Variants in PROSER2 observed in about 807,000 individuals in gnomAD.
The protein encoded by PROSER2 is proline and serine-rich protein 2.
A neutral mutation model predicts 14.6 loss-of-function variants in PROSER2; 18 were observed. That is an observed-to-expected ratio of 1.23 (90% CI 0.85 to 1.83). The LOEUF is 1.83. Among genes scored for constraint, PROSER2 ranks in the 40% most tolerant of loss-of-function variants. The pLI is 0.00. For synonymous variants in PROSER2, 367 were observed against 286.4 expected (o/e 1.28, Z -2.84); for missense variants, 823 against 629.8 (o/e 1.31, Z -3.28).
Position 11,826,875 on chromosome 10 carries a change from C to T in PROSER2, c.-82+3405C>T, listed in dbSNP as rs963702741. On this transcript the variant is annotated intron_variant, in intron 1 of 3. Transcript: ENST00000277570. ...GATTACAGGCATGAGCCACTGCACCCGGCCTTTTTTTTTTTTTTTTTTCCT... is the reference window on the plus strand; with the variant it reads ...GATTACAGGCATGAGCCACTGCACCTGGCCTTTTTTTTTTTTTTTTTTCCT... 3.6e-4 allele frequency among the ~76,000 whole-genome samples: 50 copies of T among 138,710 alleles called. 2 individuals carry two copies. Among genetic ancestry groups the T allele is most frequent in the Non-Finnish European group, 4.6e-5 (3 of 64,698 alleles). 91.0% of individuals were successfully genotyped at this position (138,710 alleles called of 152,430 possible).
chr10:11,860,614 CA>C (rs893935813), intron 2 of PROSER2, among the ~76,000 whole-genome samples: 11 of 136,722 alleles, frequency 8.0e-5, no homozygotes, highest in South Asian at 2.4e-4. Context: ...GACTCCATCT[CA>C]AAAAAAAAAG....
chr10:11,855,429 G>A (rs1338296569), intron 2 of PROSER2, among the ~76,000 whole-genome samples: 8 of 147,296 alleles, frequency 5.4e-5, no homozygotes, highest in Admixed American at 1.4e-4. Context: ...AGCCGAGATC[G>A]CGCCACTGCA....
chr10:11,868,314 C>T (rs1300641745), intron 3 of PROSER2, among the ~76,000 whole-genome samples: 1 of 152,230 alleles, frequency 6.6e-6, no homozygotes, highest in African/African-American at 2.4e-5. Context: ...CTCTCTCTCC[C>T]ACCCAGGCTG....
At chr10:11,853,738 G>C (rs561329589) in intron 2 of PROSER2, among the ~76,000 whole-genome samples, 365 of 152,210 alleles carry the variant, frequency 2.4e-3, no homozygotes, top group Non-Finnish European at 4.2e-3. Flanking sequence ...TCGTTTCTCC[G>C]TAGACGTTTA....
chr10:11,863,358 C>T (rs1834280581), intron 2 of PROSER2, among the ~76,000 whole-genome samples: 1 of 152,140 alleles, frequency 6.6e-6, no homozygotes, highest in South Asian at 2.1e-4. Context: ...TGGATCAGCT[C>T]TCAATCACTT....
chr10:11,855,256 G>A (rs941696667), intron 2 of PROSER2, among the ~76,000 whole-genome samples: 15 of 151,070 alleles, frequency 9.9e-5, no homozygotes, highest in East Asian at 5.9e-4. Context: ...GGCGGATCAC[G>A]AGGTCAGGAG....
chr10:11,837,055 C>T lies in PROSER2; in HGVS notation c.-82+13585C>T, dbSNP rs994706877. Among the ~76,000 whole-genome samples, 2 of 152,154 alleles carry T rather than the reference C, an allele frequency of 1.3e-5. No homozygotes were observed. The highest frequency in any genetic ancestry group is 2.4e-5 in the African/African-American group (1 of 41,424). On this transcript the variant is annotated intron_variant, in intron 1 of 3. Coordinates refer to ENST00000277570, the MANE Select transcript of PROSER2 (RefSeq NM_153256.4). The surrounding 1 kb of genome is among the most constrained non-coding windows in gnomAD (Gnocchi z 4.6). ...GTAGCCAACTCAGTTCTCAGATCAG[C>T]TGTCTATGTGGCCGTGCTTATGTTC...
In PROSER2 at chr10:11,837,755, C is replaced by T. The variant is rs183940080; in HGVS notation, c.-81-14242C>T. ...TTCTTTCCCTCACATTTCCTCGGTGCAAAACCTAATAGTAGAATGTGAGAA... is the reference window on the plus strand; with the variant it reads ...TTCTTTCCCTCACATTTCCTCGGTGTAAAACCTAATAGTAGAATGTGAGAA... On this transcript the variant is annotated intron_variant, in intron 1 of 3. Coordinates refer to ENST00000277570, the MANE Select transcript of PROSER2 (RefSeq NM_153256.4). This position sits in a 1 kb window ranked among gnomAD's most constrained non-coding sequence, Gnocchi z 4.6. 2.0e-5 allele frequency among the ~76,000 whole-genome samples: 3 copies of T among 152,288 alleles called. No individual in the cohort carries two copies. The East Asian group carries it at 5.8e-4, about 29-fold the overall frequency.
chr10:11,829,060 G>A (rs1443917201), intron 1 of PROSER2, among the ~76,000 whole-genome samples: 3 of 152,064 alleles, frequency 2.0e-5, no homozygotes, highest in Non-Finnish European at 4.4e-5. Flanking sequence ...CCAGTCGGGG[G>A]CATGGACCAG....
rs562726887 is a variant in PROSER2, at chr10:11,862,798, T to A, written c.139-3733T>A. 23 of 152,276 alleles carry A rather than the reference T, an allele frequency of 1.5e-4. No individual in the cohort carries two copies. The highest frequency in any genetic ancestry group is 4.8e-4 in the African/African-American group (20 of 41,546). 9.4% of individuals were successfully genotyped at this position (152,276 alleles called of 1,614,324 possible). On this transcript the variant is annotated intron_variant, in intron 2 of 3. Transcript: ENST00000277570. This position sits in a 1 kb window ranked among gnomAD's most constrained non-coding sequence, Gnocchi z 4.2. ...CAGAACACTTCTTATCCCAAACATT[T>A]CCGATGAGGAGTACTCACCTGTATT...
intron 1 of PROSER2, chr10:11,831,870 A>G (rs534822171): frequency 9.8e-5 from 15 of 152,312 alleles, no homozygotes; most frequent in African/African-American, 2.6e-4. Context: ...GGCGAAATCA[A>G]TTACTTCCAT....
chr10:11,847,696 G>A (rs1475338880), intron 1 of PROSER2, among the ~76,000 whole-genome samples: 1 of 152,188 alleles, frequency 6.6e-6, no homozygotes, highest in Non-Finnish European at 1.5e-5. Flanking sequence ...TGGGATTACA[G>A]GCGTGAGCCA....
At chr10:11,859,408 CAGAGTG>C (rs1834191673) in intron 2 of PROSER2, among the ~76,000 whole-genome samples, 1 of 152,228 alleles carries the variant, frequency 6.6e-6, no homozygotes, top group Admixed American at 6.5e-5. Context: ...AGCTGGGAGA[CAGAGTG>C]AGAGACTGTC....
At chr10:11,860,857 G>C (rs1297062825) in intron 2 of PROSER2, among the ~76,000 whole-genome samples, 2 of 152,048 alleles carry the variant, frequency 1.3e-5, no homozygotes, top group African/African-American at 4.8e-5. Context: ...TGTAATCCCA[G>C]CACTTTGGGA....
At position 11,869,705 on chromosome 10, in the gene PROSER2, G is replaced by T; in HGVS notation, c.607G>T (p.Glu203Ter). 1 of 1,596,224 alleles carries T rather than the reference G, an allele frequency of 6.3e-7. No homozygotes were observed. The highest frequency in any genetic ancestry group is 8.5e-7 in the Non-Finnish European group (1 of 1,172,176). The change falls in exon 4 of 4, where the codon GAG (glutamate) becomes TAG (stop). Residue 203 changes from glutamate to a stop codon, truncating the protein, a stop_gained. Coordinates refer to ENST00000277570, the MANE Select transcript of PROSER2 (RefSeq NM_153256.4). LOFTEE classifies it low-confidence loss of function (END_TRUNC). The surrounding 1 kb of genome is among the most constrained non-coding windows in gnomAD (Gnocchi z 4.4). Reference protein sequence around the residue: ...TPLVMAQKISERMAGNEALSP... With the variant: ...TPLVMAQKIS Reference sequence around the variant, plus strand: ...CCTCGTTATGGCGCAGAAGATTTCCGAGAGGATGGCGGGGAACGAAGCCCT... The same window carrying T: ...CCTCGTTATGGCGCAGAAGATTTCCTAGAGGATGGCGGGGAACGAAGCCCT...
At chr10:11,861,414 T>C (rs537878536) in intron 2 of PROSER2, among the ~76,000 whole-genome samples, 1 of 152,188 alleles carries the variant, frequency 6.6e-6, no homozygotes. Flanking sequence ...GGTGGTAAGC[T>C]CTAGACAGCA....
chr10:11,847,007 C>G (rs1177700980), intron 1 of PROSER2, among the ~76,000 whole-genome samples: 1 of 152,004 alleles, frequency 6.6e-6, no homozygotes, highest in African/African-American at 2.4e-5. Context: ...CCACCTCGGC[C>G]TCCCAAAGTG....
At chr10:11,854,800 C>G (rs948120647) in intron 2 of PROSER2, among the ~76,000 whole-genome samples, 4 of 152,146 alleles carry the variant, frequency 2.6e-5, no homozygotes, top group Non-Finnish European at 5.9e-5. Flanking sequence ...ACTTAGCAGC[C>G]AGTCCCTATC....
chr10:11,848,771 T>C (rs1021826039), intron 1 of PROSER2, among the ~76,000 whole-genome samples: 1 of 152,208 alleles, frequency 6.6e-6, no homozygotes, highest in Non-Finnish European at 1.5e-5. Context: ...TTGAGCTGAG[T>C]TCACTGCTTT....
Sources: allele counts gnomAD v4.1 joint callset (sites outside exome capture counted in the v4.1 genomes callset), GRCh38; gene constraint gnomAD v4.1.1; non-coding constraint Gnocchi (gnomAD v3.1); transcripts MANE v1.5; gene names NCBI Gene and HGNC (gene_info 2026-07-23, HGNC 2026-07-21).